CASTOR2: variants seen among roughly 807,000 people sequenced by gnomAD.
CASTOR2 encodes cytosolic arginine sensor for mTORC1 subunit 2, also known as GATS protein like 2.
Under a neutral mutation model 31.2 loss-of-function variants are expected in CASTOR2, and 8 were observed. The observed-to-expected ratio is 0.26, with a 90% CI of 0.15 to 0.46. CASTOR2 has a LOEUF of 0.46. Ranked by LOEUF, CASTOR2 falls within the 20% of genes least tolerant of loss-of-function variation. CASTOR2 has a pLI of 0.99. For synonymous variants in CASTOR2, 162 were observed against 158.7 expected, an observed-to-expected ratio of 1.02 and a Z score of -0.16; for missense variants, 216 against 382.1, an observed-to-expected ratio of 0.57 and a Z score of 3.62.
intron 7 of CASTOR2, 131 bp from the exon 8 acceptor site, chr7:75,024,309 G>A (rs1805073431): frequency 1.1e-6 from 1 of 916,710 alleles, no homozygotes; most frequent in South Asian, 1.4e-5. Flanking sequence ...AAAAGGGATA[G>A]CAGATGGGAA....
At chr7:74,967,345 T>G (rs1267188112) in intron 1 of CASTOR2, among the ~76,000 whole-genome samples, 2 of 133,464 alleles carry the variant, frequency 1.5e-5, no homozygotes, top group Non-Finnish European at 3.3e-5. Context: ...CAAGTGTTAA[T>G]GGGTCGCAGC....
In CASTOR2 at chr7:75,017,917, T is replaced by C; in HGVS notation, c.379-73T>C. ...CCAGGGTGGGGGCAGAGTCTCAGGG[T>C]GAGAGGTCGGTGCCCCAGACCCACA... On this transcript the variant is annotated intron_variant, in intron 3 of 8. Coordinates refer to ENST00000616305, the MANE Select transcript of CASTOR2 (RefSeq NM_001145064.3). 4 of 1,613,526 alleles carry C rather than the reference T, an allele frequency of 2.5e-6. No individual in the cohort carries two copies. The East Asian group carries it at 8.9e-5, about 36-fold the overall frequency.
rs1404553977 is a variant in CASTOR2, at chr7:75,009,259, G to T, written c.184+1195G>T. ...GCATGAGCCACCTTGCCTGGCCTGA[G>T]AACTTTTTTTTTTTTTTTTTTTTTT... On this transcript the variant is annotated intron_variant, in intron 2 of 8. Transcript: ENST00000616305. Among the ~76,000 whole-genome samples the T allele has an allele frequency of 9.8e-5, 10 of 101,926 alleles. No individual in the cohort carries two copies. The East Asian group carries it at 1.4e-3, about 14-fold the overall frequency. 66.9% of individuals were successfully genotyped at this position (101,926 alleles called of 152,430 possible). A position where few individuals can be genotyped will look rare whatever the true frequency, so the allele number is the denominator to read the frequency against.
At chr7:75,021,248 T>C (rs1804994403) in intron 6 of CASTOR2, among the ~76,000 whole-genome samples, 1 of 152,182 alleles carries the variant, frequency 6.6e-6, no homozygotes, top group Non-Finnish European at 1.5e-5. Context: ...CACTTTGGCC[T>C]CCCAAAGTGC....
intron 1 of CASTOR2, among the ~76,000 whole-genome samples, chr7:74,971,234 A>G (rs1445675913): frequency 1.8e-5 from 2 of 109,540 alleles, no homozygotes; most frequent in Non-Finnish European, 3.8e-5. Flanking sequence ...ACCTCAGGTA[A>G]TCCTCCCTCC....
At position 75,024,868 on chromosome 7, in the gene CASTOR2, C is replaced by A; in HGVS notation, c.*169C>A. ...AATCCCTCCAGGGCAGGGGCCCACGCCAAGGCCTCTCCATGCCCTCCTGCC... is the reference window on the plus strand; with the variant it reads ...AATCCCTCCAGGGCAGGGGCCCACGACAAGGCCTCTCCATGCCCTCCTGCC... On this transcript the variant is annotated 3_prime_UTR_variant, in exon 9 of 9. Transcript: ENST00000616305. 6.7e-7 allele frequency: 1 copy of A among 1,503,624 alleles called. No homozygotes were observed. The highest frequency in any genetic ancestry group is 1.2e-5 in the South Asian group (1 of 80,196). 93.1% of individuals were successfully genotyped at this position (1,503,624 alleles called of 1,614,324 possible). A position where few individuals can be genotyped will look rare whatever the true frequency, so the allele number is the denominator to read the frequency against.
intron 1 of CASTOR2, among the ~76,000 whole-genome samples, chr7:74,979,403 T>C (rs1554436070): frequency 2.0e-5 from 3 of 148,896 alleles, no homozygotes; most frequent in Non-Finnish European, 4.5e-5. Flanking sequence ...TTTTTTTTTT[T>C]TTTTTTTTTG....
intron 4 of CASTOR2, among the ~76,000 whole-genome samples, chr7:75,018,510 GT>G (rs1440672002): frequency 3.9e-5 from 6 of 152,086 alleles, no homozygotes; most frequent in Non-Finnish European, 8.8e-5. Context: ...TTGCACTCCA[GT>G]CTGGGCAACA....
intron 1 of CASTOR2, among the ~76,000 whole-genome samples, chr7:74,999,344 C>G (rs1271452750): frequency 2.0e-5 from 3 of 151,982 alleles, no homozygotes; most frequent in African/African-American, 7.3e-5. Flanking sequence ...AACTCCTGTT[C>G]AGGATCGCCC....
intron 1 of CASTOR2, among the ~76,000 whole-genome samples, chr7:75,006,550 T>C (rs1804609640): frequency 6.6e-6 from 1 of 152,134 alleles, no homozygotes. Flanking sequence ...CCTTTTCCAT[T>C]TGCATCTTTT....
chr7:75,028,638 G>A lies in CASTOR2; in HGVS notation c.*3939G>A, dbSNP rs1011063713. Among the ~76,000 whole-genome samples, 4 of 152,100 alleles carry A rather than the reference G, an allele frequency of 2.6e-5. No homozygotes were observed. The highest frequency in any genetic ancestry group is 1.9e-4 in the East Asian group (1 of 5,198). On this transcript the variant is annotated 3_prime_UTR_variant, in exon 9 of 9. Transcript: ENST00000616305. ...CCCTGCCACTGATAAGTTCTGCCTCGTCGTGGGGCTCCCCTGGTTCCCAAG... is the reference window on the plus strand; with the variant it reads ...CCCTGCCACTGATAAGTTCTGCCTCATCGTGGGGCTCCCCTGGTTCCCAAG...
intron 1 of CASTOR2, among the ~76,000 whole-genome samples, chr7:74,992,605 A>AT (rs1186335451): frequency 1.3e-5 from 2 of 151,914 alleles, no homozygotes; most frequent in South Asian, 2.1e-4. Context: ...ATGCCCAGCT[A>AT]TTTTTTGTAT....
At chr7:74,986,087 C>T (rs1376200745) in intron 1 of CASTOR2, among the ~76,000 whole-genome samples, 1 of 152,054 alleles carries the variant, frequency 6.6e-6, no homozygotes, top group African/African-American at 2.4e-5. Context: ...ACCACCAAAC[C>T]CAGCTAATTT....
intron 7 of CASTOR2, 138 bp from the exon 8 acceptor site, chr7:75,024,302 A>G: frequency 3.4e-6 from 3 of 883,734 alleles, no homozygotes; most frequent in Non-Finnish European, 5.5e-6. Flanking sequence ...AAAAAATAAA[A>G]GGGATAGCAG....
intron 1 of CASTOR2, among the ~76,000 whole-genome samples, chr7:74,987,445 A>G (rs1804095735): frequency 6.6e-6 from 1 of 151,602 alleles, no homozygotes; most frequent in South Asian, 2.1e-4. Context: ...AAATCCTCCC[A>G]TAGAAGAAGG....
At chr7:74,976,528 C>T (rs1167168305) in intron 1 of CASTOR2, among the ~76,000 whole-genome samples, 1 of 83,736 alleles carries the variant, frequency 1.2e-5, no homozygotes, top group African/African-American at 4.7e-5. Flanking sequence ...TAATGAGACC[C>T]TGTCTCCTCC....
chr7:75,015,025 G>A lies in CASTOR2; in HGVS notation c.185-2573G>A, dbSNP rs1804835946. On this transcript the variant is annotated intron_variant, in intron 2 of 8. Transcript: ENST00000616305. The stretch of plus-strand genomic sequence containing the variant: ...CGCCCTTTCCCATTTCTGTGCAGCC[G>A]CCTGCCTCTCTAGCCACCCACTGGC... 2.6e-5 allele frequency among the ~76,000 whole-genome samples: 4 copies of A among 152,308 alleles called. No individual in the cohort carries two copies. In the South Asian group the frequency reaches 6.2e-4, roughly 24 times the overall value.
intron 2 of CASTOR2, among the ~76,000 whole-genome samples, chr7:75,008,597 G>T (rs1280161154): frequency 6.6e-6 from 1 of 152,080 alleles, no homozygotes. Flanking sequence ...TTGAGAGACC[G>T]AGGCAGGAGG....
At chr7:74,992,674 G>A (rs1298317121) in intron 1 of CASTOR2, among the ~76,000 whole-genome samples, 4 of 152,072 alleles carry the variant, frequency 2.6e-5, no homozygotes, top group Non-Finnish European at 5.9e-5. Context: ...TCCTGACCTC[G>A]TGATCTGCCC....
Sources: gnomAD v4.1 joint callset for allele counts (sites outside exome capture counted in the v4.1 genomes callset) on GRCh38, gnomAD v4.1.1 for gene constraint, MANE v1.5 for transcripts, NCBI Gene and HGNC (gene_info 2026-07-23, HGNC 2026-07-21) for gene names.